DOCK3: variants seen among roughly 807,000 people sequenced by gnomAD.
DOCK3 encodes the protein dedicator of cytokinesis 3, also known as dedicator of cytokinesis protein 3.
DOCK3 carries 60 observed loss-of-function variants against 265.6 expected under a neutral mutation model. The ratio of observed to expected loss-of-function variants is 0.23; its 90% confidence interval spans 0.18 to 0.28. The LOEUF is 0.28. Ranked by LOEUF, DOCK3 falls within the 10% of genes least tolerant of loss-of-function variation. DOCK3 has a pLI of 1.00. For missense variants in DOCK3, 1,981 were observed against 2,594.3 expected (o/e 0.76, Z 5.14); for synonymous variants, 881 against 938.0 (o/e 0.94, Z 1.11).
In DOCK3 at chr3:51,361,120, A is replaced by C. The variant is rs1250127896; in HGVS notation, c.5006+488A>C. ...GAATGAGGATCACCAAGTCAGTTTT[A>C]AGGAAGAAACAGCATAGTGATGTGA... On this transcript the variant is annotated intron_variant, in intron 47 of 52. Transcript: ENST00000266037. The surrounding 1 kb of genome is among the most constrained non-coding windows in gnomAD (Gnocchi z 4.2). 9.9e-5 allele frequency among the ~76,000 whole-genome samples: 15 copies of C among 152,140 alleles called. No homozygotes were observed. The highest frequency in any genetic ancestry group is 1.5e-5 in the Non-Finnish European group (1 of 68,036).
chr3:51,220,915 T>A (rs2090068132), intron 14 of DOCK3, among the ~76,000 whole-genome samples: 1 of 151,894 alleles, frequency 6.6e-6, no homozygotes, highest in South Asian at 2.1e-4. Context: ...TGGCCCCAAA[T>A]TCCAAGTAGT....
chr3:50,915,380 C>T (rs987756710), intron 4 of DOCK3, among the ~76,000 whole-genome samples: 12 of 152,080 alleles, frequency 7.9e-5, no homozygotes, highest in Middle Eastern at 3.4e-3. Context: ...GTTGTTTGGT[C>T]CCTGGAGGGT....
chr3:51,034,374 A>T (rs1575830417), intron 5 of DOCK3, among the ~76,000 whole-genome samples: 2 of 152,138 alleles, frequency 1.3e-5, no homozygotes, highest in East Asian at 3.9e-4. Flanking sequence ...TTTATGTATC[A>T]GCTTTTAAGA....
chr3:50,950,488 C>T (rs2076560722), intron 5 of DOCK3, among the ~76,000 whole-genome samples: 2 of 152,102 alleles, frequency 1.3e-5, no homozygotes, highest in Admixed American at 1.3e-4. Flanking sequence ...TTTGTTAGGC[C>T]ATAAAGTAGT....
intron 10 of DOCK3, among the ~76,000 whole-genome samples, chr3:51,149,027 G>C (rs2085440541): frequency 6.6e-6 from 1 of 152,092 alleles, no homozygotes; most frequent in Admixed American, 6.5e-5. Flanking sequence ...GTTGAGCAGT[G>C]GTTTGTAATT....
At chr3:50,888,182 G>A (rs2048441341) in intron 3 of DOCK3, among the ~76,000 whole-genome samples, 1 of 152,028 alleles carries the variant, frequency 6.6e-6, no homozygotes, top group Non-Finnish European at 1.5e-5. Flanking sequence ...CAAAATCAAT[G>A]TACAAAAATC....
At chr3:50,872,691 A>T (rs2047489520) in intron 3 of DOCK3, among the ~76,000 whole-genome samples, 1 of 152,200 alleles carries the variant, frequency 6.6e-6, no homozygotes, top group South Asian at 2.1e-4. Context: ...ACTAGAGTCA[A>T]AAACCTTAGA....
At chr3:51,071,685 G>C (rs1288559217) in intron 6 of DOCK3, among the ~76,000 whole-genome samples, 1 of 152,178 alleles carries the variant, frequency 6.6e-6, no homozygotes, top group Non-Finnish European at 1.5e-5. Context: ...ATACAGACCA[G>C]CCGATCTGAC....
intron 5 of DOCK3, among the ~76,000 whole-genome samples, chr3:50,988,390 C>T (rs2077982716): frequency 6.6e-6 from 1 of 152,216 alleles, no homozygotes; most frequent in African/African-American, 2.4e-5. Context: ...TTTGTAACCT[C>T]TGTGGGATGG....
At chr3:50,848,620 A>G (rs959094012) in intron 3 of DOCK3, among the ~76,000 whole-genome samples, 11 of 152,118 alleles carry the variant, frequency 7.2e-5, no homozygotes, top group Admixed American at 2.0e-4. Context: ...TAGGCCCCCA[A>G]TCTCTCCTGT....
chr3:51,380,276 T>G (rs1553618159), intron 52 of DOCK3, 69 bp downstream of exon 52: 1 of 1,419,136 alleles, frequency 7.0e-7, no homozygotes, highest in African/African-American at 1.4e-5. Context: ...AGAACCACCC[T>G]TGGGGTCTAC....
intron 9 of DOCK3, among the ~76,000 whole-genome samples, chr3:51,144,320 A>G (rs1010468648): frequency 6.6e-6 from 1 of 152,164 alleles, no homozygotes; most frequent in Admixed American, 6.5e-5. Context: ...CCATTTCATT[A>G]AAACAGTTCT....
intron 2 of DOCK3, among the ~76,000 whole-genome samples, chr3:50,808,544 A>G (rs923170807): frequency 2.0e-5 from 3 of 152,204 alleles, no homozygotes; most frequent in Non-Finnish European, 1.5e-5. Context: ...AGCCACACCT[A>G]TGGGCTAACT....
chr3:51,020,289 C>T (rs1305285491), intron 5 of DOCK3, among the ~76,000 whole-genome samples: 3 of 151,450 alleles, frequency 2.0e-5, no homozygotes, highest in Admixed American at 1.3e-4. Context: ...TATCTGTTCA[C>T]GTCTTTTGCC....
intron 32 of DOCK3, among the ~76,000 whole-genome samples, chr3:51,321,941 A>G (rs1220909114): frequency 6.6e-6 from 1 of 152,216 alleles, no homozygotes; most frequent in African/African-American, 2.4e-5. Flanking sequence ...CCAACCTAGC[A>G]AGACAGGCCA....
chr3:50,679,165 G>C (rs1224473265), intron 1 of DOCK3, among the ~76,000 whole-genome samples: 1 of 152,076 alleles, frequency 6.6e-6, no homozygotes, highest in African/African-American at 2.4e-5. Context: ...TTAGTGACAT[G>C]GTCTTGCTAT....
At chr3:50,909,617 C>G (rs1340460883) in intron 4 of DOCK3, among the ~76,000 whole-genome samples, 2 of 110,438 alleles carry the variant, frequency 1.8e-5, no homozygotes, top group Non-Finnish European at 3.8e-5. Flanking sequence ...GATGACCTGT[C>G]TTTTTTCTCT....
intron 1 of DOCK3, among the ~76,000 whole-genome samples, chr3:50,684,033 C>T (rs989481130): frequency 6.6e-6 from 1 of 152,068 alleles, no homozygotes; most frequent in African/African-American, 2.4e-5. Context: ...CTATAATGTT[C>T]TTACCTTTAT....
intron 12 of DOCK3, among the ~76,000 whole-genome samples, chr3:51,191,113 G>A (rs1026919367): frequency 1.3e-5 from 2 of 151,974 alleles, no homozygotes; most frequent in African/African-American, 2.4e-5. Context: ...CTCAGAACTC[G>A]AAACTGTCCC....
Sources: gnomAD v4.1 joint callset for allele counts (sites outside exome capture counted in the v4.1 genomes callset) on GRCh38, gnomAD v4.1.1 for gene constraint, Gnocchi (gnomAD v3.1) non-coding constraint, MANE v1.5 for transcripts, NCBI Gene and HGNC (gene_info 2026-07-23, HGNC 2026-07-21) for gene names.